The following ST6GALNAC1 variants were observed in gnomAD, a reference collection of about 807,000 sequenced individuals.
The protein encoded by ST6GALNAC1 is alpha-N-acetylgalactosaminide alpha-2,6-sialyltransferase 1.
Under a neutral mutation model 56.8 loss-of-function variants are expected in ST6GALNAC1, and 45 were observed. That is an observed-to-expected ratio of 0.79 (90% CI 0.62 to 1.02). ST6GALNAC1 has a LOEUF of 1.02. Ranked by LOEUF, ST6GALNAC1 falls within the 50% of genes least tolerant of loss-of-function variation. The pLI, the probability that ST6GALNAC1 is intolerant of heterozygous loss-of-function variation, is 0.00. For synonymous variants in ST6GALNAC1, 295 were observed against 297.8 expected, an observed-to-expected ratio of 0.99 and a Z score of 0.10; for missense variants, 743 against 754.8, an observed-to-expected ratio of 0.98 and a Z score of 0.18.
chr17:76,619,488 T>C, the ST6GALNAC1 span, among the ~76,000 whole-genome samples: 1 of 152,204 alleles, frequency 6.6e-6, no homozygotes, highest in Admixed American at 6.5e-5. Flanking sequence ...TAGACTTGCC[T>C]CTTTCCATAA....
chr17:76,637,492 T>G, intron 1 of ST6GALNAC1: 1 of 385,608 alleles, frequency 2.6e-6, no homozygotes, highest in East Asian at 3.7e-5. Context: ...TTTTTATAAT[T>G]TTATCATTTC....
downstream of ST6GALNAC1, among the ~76,000 whole-genome samples, chr17:76,622,747 G>A (rs1189146448): frequency 1.3e-5 from 2 of 150,956 alleles, no homozygotes; most frequent in Admixed American, 6.6e-5. Flanking sequence ...TTTTTCTTAC[G>A]TTCTAGTCAA....
chr17:76,630,882 C>T (rs8082427), intron 1 of ST6GALNAC1, among the ~76,000 whole-genome samples: 9,174 of 148,414 alleles, frequency 0.062, 507 homozygotes, highest in East Asian at 0.15. Context: ...TGAGCCACCG[C>T]GCCCAATTTT....
chr17:76,627,243 A>G lies in ST6GALNAC1; in HGVS notation c.1001-5T>C. The G allele has an allele frequency of 6.4e-7, 1 of 1,558,368 alleles. No individual in the cohort carries two copies. The highest frequency in any genetic ancestry group is 1.2e-5 in the South Asian group (1 of 81,698). On this transcript the variant is annotated splice_region_variant and splice_polypyrimidine_tract_variant and intron_variant, in intron 3 of 8. Coordinates refer to ENST00000156626, the MANE Select transcript of ST6GALNAC1 (RefSeq NM_018414.5). This position sits in a 1 kb window ranked among gnomAD's most constrained non-coding sequence, Gnocchi z 4.4. ...GTGTCACGACCTTCTGCACCACTGG[A>G]ACAAGAGTGGGGGTGCTCCATTCAG... is the stretch of plus-strand genomic sequence containing the variant.
At chr17:76,625,666 C>A in intron 8 of ST6GALNAC1, 139 bp from the exon 9 acceptor site, 1 of 1,160,210 alleles carries the variant, frequency 8.6e-7, no homozygotes, top group South Asian at 1.5e-5. Context: ...TCCCTGGATA[C>A]GCACGCATAA....
At chr17:76,631,425 T>C (rs571896625) in intron 1 of ST6GALNAC1, among the ~76,000 whole-genome samples, 4 of 152,222 alleles carry the variant, frequency 2.6e-5, no homozygotes, top group Admixed American at 2.6e-4. Context: ...CCCTAATTCT[T>C]TCTGTATTTT....
chr17:76,632,501 A>C (rs996711031), intron 1 of ST6GALNAC1, among the ~76,000 whole-genome samples: 2 of 152,156 alleles, frequency 1.3e-5, no homozygotes, highest in Non-Finnish European at 1.5e-5. Context: ...TTCAACCGCA[A>C]ATCTACAATT....
At chr17:76,634,663 C>A (rs1490350729) in intron 1 of ST6GALNAC1, among the ~76,000 whole-genome samples, 8 of 149,948 alleles carry the variant, frequency 5.3e-5, no homozygotes. Flanking sequence ...GGGGGTGGAT[C>A]ACCTGAGGTC....
intron 1 of ST6GALNAC1, among the ~76,000 whole-genome samples, chr17:76,640,571 G>A (rs1241158752): frequency 2.0e-5 from 3 of 152,078 alleles, no homozygotes; most frequent in East Asian, 1.9e-4. Flanking sequence ...TGTCAGTTGC[G>A]ATCAAGTGTT....
At chr17:76,642,959 T>C (rs61579350) in intron 1 of ST6GALNAC1, among the ~76,000 whole-genome samples, 22,931 of 149,210 alleles carry the variant, frequency 0.15, 2,238 homozygotes, top group African/African-American at 0.27. Context: ...CTCTCACTGC[T>C]GGAGATGTGT....
chr17:76,642,206 C>G (rs1261870701), intron 1 of ST6GALNAC1, among the ~76,000 whole-genome samples: 1 of 123,422 alleles, frequency 8.1e-6, no homozygotes, highest in Non-Finnish European at 1.6e-5. Context: ...CTATCTCTCT[C>G]TCTCTCTATC....
intron 1 of ST6GALNAC1, among the ~76,000 whole-genome samples, chr17:76,630,116 A>G (rs781677262): frequency 2.2e-4 from 33 of 152,210 alleles, no homozygotes; most frequent in Non-Finnish European, 4.6e-4. Context: ...AGCGGAATAG[A>G]ATTTGAGATA....
At chr17:76,628,264 C>CTCCCTCCT (rs1555634496) in intron 2 of ST6GALNAC1, among the ~76,000 whole-genome samples, 1 of 106,154 alleles carries the variant, frequency 9.4e-6, no homozygotes, top group Non-Finnish European at 1.9e-5. Flanking sequence ...CCCTCCCTCC[C>CTCCCTCCT]TCCCTCCTTC....
chr17:76,622,364 A>T (rs1363344054), downstream of ST6GALNAC1, among the ~76,000 whole-genome samples: 2 of 148,178 alleles, frequency 1.3e-5, no homozygotes, highest in Non-Finnish European at 3.0e-5. Flanking sequence ...GCAACATTTT[A>T]TTATTATTAT....
Position 76,629,457 on chromosome 17 carries a change from T to C in ST6GALNAC1, c.386A>G (p.Lys129Arg). Residue 129 changes from lysine to arginine, a missense_variant, in exon 2 of 9, where the codon AAA (lysine) becomes AGA (arginine). Lys to Arg is a conservative substitution (Grantham distance 26). Transcript: ENST00000156626. ...CAGTGTGTTCACCATGGTTTTCTCT[T>C]TTTCTGGGCTCTTCCATGCTGCCCT... ...AQRAAWKSPE[K>R]EKTMVNTLSP... 1 of 1,614,066 alleles carries C rather than the reference T, an allele frequency of 6.2e-7. No homozygotes were observed. Among genetic ancestry groups the C allele is most frequent in the Non-Finnish European group, 8.5e-7 (1 of 1,180,004 alleles).
chr17:76,628,653 C>T (rs901662512), intron 2 of ST6GALNAC1, among the ~76,000 whole-genome samples: 4 of 152,226 alleles, frequency 2.6e-5, no homozygotes, highest in Admixed American at 6.5e-5. Context: ...GCAGCCCCCG[C>T]GAGAGGATGG....
chr17:76,631,933 T>C (rs545189559), intron 1 of ST6GALNAC1, among the ~76,000 whole-genome samples: 1 of 152,296 alleles, frequency 6.6e-6, no homozygotes, highest in Non-Finnish European at 1.5e-5. Context: ...GTGAGAAACC[T>C]GAGTGAGTGA....
At position 76,625,248 on chromosome 17, in the gene ST6GALNAC1, G is replaced by A. The variant is rs2075778414; in HGVS notation, c.*82C>T. On this transcript the variant is annotated 3_prime_UTR_variant, in exon 9 of 9. Transcript: ENST00000156626. Reference sequence around the variant, plus strand: ...GCTTGGAGCTTAGTCTGAGCCATGGGAAATGGCCAAAGAGTCTCAAGATTC... The same window carrying A: ...GCTTGGAGCTTAGTCTGAGCCATGGAAAATGGCCAAAGAGTCTCAAGATTC... 1 of 1,466,208 alleles carries A rather than the reference G, an allele frequency of 6.8e-7. No homozygotes were observed. The highest frequency in any genetic ancestry group is 1.4e-5 in the African/African-American group (1 of 71,384). 90.8% of individuals were successfully genotyped at this position (1,466,208 alleles called of 1,614,324 possible). A position where few individuals can be genotyped will look rare whatever the true frequency, so the allele number is the denominator to read the frequency against.
In ST6GALNAC1 at chr17:76,631,073, G is replaced by C. The variant is rs1021668779; in HGVS notation, c.132-1362C>G. Among the ~76,000 whole-genome samples, 52 of 127,578 alleles carry C rather than the reference G, an allele frequency of 4.1e-4. 1 individual carries two copies. In the East Asian group the frequency reaches 0.012, roughly 29 times the overall value. 83.7% of individuals were successfully genotyped at this position (127,578 alleles called of 152,430 possible). ...CCATGCCCAGCTAATCTCTGTGTGTGTGTGTGTGTGTGTGTGTGTGTGTGC... is the reference window on the plus strand; with the variant it reads ...CCATGCCCAGCTAATCTCTGTGTGTCTGTGTGTGTGTGTGTGTGTGTGTGC... On this transcript the variant is annotated intron_variant, in intron 1 of 8. Transcript: ENST00000156626.
Sources: gnomAD v4.1 joint callset for allele counts (sites outside exome capture counted in the v4.1 genomes callset) on GRCh38, gnomAD v4.1.1 for gene constraint, Gnocchi (gnomAD v3.1) non-coding constraint, MANE v1.5 for transcripts, NCBI Gene and HGNC (gene_info 2026-07-23, HGNC 2026-07-21) for gene names.